ORMDL3: variants seen among roughly 807,000 people sequenced by gnomAD.
The protein encoded by ORMDL3 is ORM1-like protein 3.
A neutral mutation model predicts 12.6 loss-of-function variants in ORMDL3; 6 were observed. That is an observed-to-expected ratio of 0.48 (90% confidence interval 0.26 to 0.94). The LOEUF (loss-of-function observed/expected upper bound fraction) is 0.94, where lower values mean the gene tolerates loss of function less well. ORMDL3 is among the 40% of genes least tolerant of loss of function. ORMDL3 has a pLI of 0.14. For synonymous variants in ORMDL3, 99 were observed against 87.2 expected, an observed-to-expected ratio of 1.14 and a Z score of -0.75; for missense variants, 159 against 205.5, an observed-to-expected ratio of 0.77 and a Z score of 1.38.
chr17:39,923,792 A>T (rs1311123099), intron 2 of ORMDL3, among the ~76,000 whole-genome samples: 2 of 152,038 alleles, frequency 1.3e-5, no homozygotes, highest in East Asian at 3.9e-4. Flanking sequence ...ACCCCACCCT[A>T]GAGATGTGGA....
intron 1 of ORMDL3, chr17:39,924,659 G>A (rs8076131): frequency 0.63 from 98,943 of 157,060 alleles, 32,448 homozygotes; most frequent in African/African-American, 0.82. Context: ...TGGGACATCT[G>A]CTCTTAAGCT....
At chr17:39,923,622 G>A (rs1209585148) in intron 2 of ORMDL3, among the ~76,000 whole-genome samples, 1 of 152,150 alleles carries the variant, frequency 6.6e-6, no homozygotes, top group African/African-American at 2.4e-5. Flanking sequence ...GTAGCAAGTG[G>A]TGAGGGAGCA....
intron 1 of ORMDL3, chr17:39,926,934 G>A (rs1978462609): frequency 1.0e-6 from 1 of 985,932 alleles, no homozygotes; most frequent in African/African-American, 1.7e-5. Context: ...CAAGCTGCAG[G>A]ACCACAGCTG....
intron 1 of ORMDL3, chr17:39,926,888 G>C (rs1978458128): frequency 2.0e-6 from 2 of 986,164 alleles, no homozygotes; most frequent in Admixed American, 6.1e-5. Flanking sequence ...GTCCGGGGCA[G>C]CACGTCACAA....
In ORMDL3 at chr17:39,924,132, G is replaced by C. The variant is rs371170941; in HGVS notation, c.72C>G (p.Leu24=). 165 of 1,614,078 alleles carry C rather than the reference G, an allele frequency of 1.0e-4. 1 individual carries two copies. The highest frequency in any genetic ancestry group is 1.3e-4 in the Non-Finnish European group (157 of 1,180,018). ...GGAGACCGATGGCCAGCACGTAGGA[G>C]AGCCAGATGCCACGGCTGTTCATCA... is the stretch of plus-strand genomic sequence containing the variant. The part of the protein sequence containing the change: ...TRVMNSRGIW[L]SYVLAIGLLH... Residue 24 remains leucine, a synonymous_variant, in exon 2 of 4, where the codon CTC becomes CTG. Transcript: ENST00000304046.
intron 3 of ORMDL3, 27 bp from the exon 4 acceptor site, chr17:39,922,712 A>G (rs1568111611): frequency 2.5e-6 from 4 of 1,609,712 alleles, no homozygotes; most frequent in Non-Finnish European, 3.4e-6. Context: ...GGGGAGAGAT[A>G]TAAAAGACTG....
intron 2 of ORMDL3, among the ~76,000 whole-genome samples, chr17:39,923,544 C>T (rs1021981517): frequency 1.3e-5 from 2 of 151,864 alleles, no homozygotes; most frequent in East Asian, 1.9e-4. Context: ...CCACTCATAG[C>T]CCCCTGTGCC....
intron 1 of ORMDL3, among the ~76,000 whole-genome samples, chr17:39,924,546 C>A (rs1392010239): frequency 6.6e-6 from 1 of 152,168 alleles, no homozygotes; most frequent in African/African-American, 2.4e-5. Context: ...CAGCCTCACC[C>A]CCTATGGCAC....
chr17:39,926,676 C>T, intron 1 of ORMDL3: 3 of 650,660 alleles, frequency 4.6e-6, no homozygotes, highest in Non-Finnish European at 5.7e-6. Flanking sequence ...CCCGCCCCAC[C>T]CTCTTGGCTC....
chr17:39,922,850 C>G (rs1467595591), intron 3 of ORMDL3, among the ~76,000 whole-genome samples, 165 bp from the exon 4 acceptor site: 1 of 152,202 alleles, frequency 6.6e-6, no homozygotes, highest in East Asian at 1.9e-4. Context: ...GGGGCCCCTC[C>G]TGGCCCAGTA....
rs1471966443 is a variant in ORMDL3 at position 39,927,567 on chromosome 17, G to A, written c.-106C>T. On this transcript the variant is annotated 5_prime_UTR_variant, in exon 1 of 4. Coordinates refer to ENST00000304046, the MANE Select transcript of ORMDL3 (RefSeq NM_139280.4). ...GCTCCAGCAGCTGTAACAACCCGCG[G>A]CTGCAGCCTCCCCGCTGGCAGCTCC... 2.0e-6 allele frequency: 2 copies of A among 985,502 alleles called. No individual in the cohort carries two copies. Among genetic ancestry groups the A allele is most frequent in the African/African-American group, 1.7e-5 (1 of 57,258 alleles). 61.0% of individuals were successfully genotyped at this position (985,502 alleles called of 1,614,324 possible). A position where few individuals can be genotyped will look rare whatever the true frequency, so the allele number is the denominator to read the frequency against.
Position 39,924,063 on chromosome 17 carries a change from G to A in ORMDL3, c.141C>T (p.Val47=), listed in dbSNP as rs375594481. The change falls in exon 2 of 4, where the codon GTC becomes GTT. Residue 47 remains valine, a synonymous_variant. Coordinates refer to ENST00000304046, the MANE Select transcript of ORMDL3 (RefSeq NM_139280.4). ...GAATGAGGTTGGTGAGGGTCCAGAC[G>A]ACAGGGACACTCACAAACGGGATGC... ...LLSIPFVSVP[V]VWTLTNLIHN... The A allele has an allele frequency of 1.9e-5, 31 of 1,612,628 alleles. No homozygotes were observed. In the African/African-American group the frequency reaches 2.3e-4, roughly 12 times the overall value.
chr17:39,922,719 A>C (rs1282854249), intron 3 of ORMDL3, 34 bp from the exon 4 acceptor site: 1 of 1,605,378 alleles, frequency 6.2e-7, no homozygotes, highest in Non-Finnish European at 8.5e-7. Flanking sequence ...GATATAAAAG[A>C]CTGTTGGGAG....
rs774874870 is a variant in ORMDL3 at position 39,923,119 on chromosome 17, T to C, written c.319A>G (p.Ile107Val). ...ASRKFLTITPIVLYFLTSFYT... is the reference protein window; with the variant it reads ...ASRKFLTITPVVLYFLTSFYT... The stretch of plus-strand genomic sequence containing the variant: ...TGTAGCCCAGGCACTCACAGCACGA[T>C]GGGTGTGATGGTCAAGAACTTCCGA... The change falls in exon 3 of 4, where the codon ATC becomes GTC. Residue 107 changes from isoleucine to valine, a missense_variant. Physicochemically the swap from Ile to Val is conservative, Grantham distance 29 (BLOSUM62 3). Coordinates refer to ENST00000304046, the MANE Select transcript of ORMDL3 (RefSeq NM_139280.4). 6.2e-7 allele frequency: 1 copy of C among 1,613,938 alleles called. No individual in the cohort carries two copies. Among genetic ancestry groups the C allele is most frequent in the Non-Finnish European group, 8.5e-7 (1 of 1,179,986 alleles).
chr17:39,926,586 C>T, intron 1 of ORMDL3: 1 of 179,092 alleles, frequency 5.6e-6, no homozygotes, highest in Non-Finnish European at 1.1e-5. Context: ...GATGTGGTTT[C>T]ATAACCTGCC....
intron 2 of ORMDL3, 149 bp from the exon 3 acceptor site, chr17:39,923,412 C>CCCAGCTGGAGG (rs1978314161): frequency 3.4e-6 from 3 of 875,892 alleles, no homozygotes; most frequent in African/African-American, 1.7e-5. Context: ...CAGGATGGAG[C>CCCAGCTGGAGG]AGCTGGGAGT....
In ORMDL3 at chr17:39,926,933, G is replaced by A. The variant is rs1401068445; in HGVS notation, c.-23+551C>T. The A allele has an allele frequency of 6.1e-6, 6 of 985,946 alleles. No individual in the cohort carries two copies. The African/African-American group carries it at 1.0e-4, about 17-fold the overall frequency. The allele number at this position is 985,946 out of a possible 1,614,324, so 61.1% of individuals were successfully genotyped here. On this transcript the variant is annotated intron_variant, in intron 1 of 3. Coordinates refer to ENST00000304046, the MANE Select transcript of ORMDL3 (RefSeq NM_139280.4). Reference sequence around the variant, plus strand: ...CATTCCGCCCACCCCCCAAGCTGCAGGACCACAGCTGATAACCTCTCAACT... The same window carrying A: ...CATTCCGCCCACCCCCCAAGCTGCAAGACCACAGCTGATAACCTCTCAACT...
rs1568111520 is a variant in ORMDL3 at position 39,922,621 on chromosome 17, G to C, written c.391C>G (p.Leu131Val). ...QIHFVLNTVS[L>V]MSVLIPKLPQ... ...AGCTTGGGGATAAGCACGCTCATCA[G>C]GGACACGGTGTTGAGCACAAAATGG... is the stretch of plus-strand genomic sequence containing the variant. Residue 131 changes from leucine to valine, a missense_variant, in exon 4 of 4, where the codon CTG becomes GTG. Coordinates refer to ENST00000304046, the MANE Select transcript of ORMDL3 (RefSeq NM_139280.4). The C allele has an allele frequency of 2.5e-6, 4 of 1,614,086 alleles. No homozygotes were observed. Among genetic ancestry groups the C allele is most frequent in the African/African-American group, 1.3e-5 (1 of 75,054 alleles).
intron 1 of ORMDL3, chr17:39,926,013 G>A (rs1186501588): frequency 1.4e-5 from 2 of 146,850 alleles, no homozygotes; most frequent in Non-Finnish European, 2.9e-5. Flanking sequence ...GGGCTCTGAA[G>A]GACTTAACTC....
Sources: allele counts gnomAD v4.1 joint callset (sites outside exome capture counted in the v4.1 genomes callset), GRCh38; gene constraint gnomAD v4.1.1; transcripts MANE v1.5; gene names NCBI Gene and HGNC (gene_info 2026-07-23, HGNC 2026-07-21).